Variants in GMNN observed in about 807,000 individuals in gnomAD.
The protein encoded by GMNN is geminin DNA replication inhibitor.
GMNN carries 14 observed loss-of-function variants against 20.9 expected under a neutral mutation model. That is an observed-to-expected ratio of 0.67 (90% CI 0.44 to 1.05). GMNN has a LOEUF of 1.05. GMNN is among the 50% of genes least tolerant of loss of function. The pLI, the probability that GMNN is intolerant of heterozygous loss-of-function variation, is 0.00. For synonymous variants in GMNN, 81 were observed against 85.8 expected (o/e 0.94, Z 0.31); for missense variants, 227 against 243.8 (o/e 0.93, Z 0.46).
intron 4 of GMNN, among the ~76,000 whole-genome samples, chr6:24,783,183 C>T (rs1486446335): frequency 6.6e-6 from 1 of 152,084 alleles, no homozygotes; most frequent in Admixed American, 6.5e-5. Flanking sequence ...CACATGTCAT[C>T]TTGGAAGGAT....
rs149699411 is a variant in GMNN, at chr6:24,778,241, A to G, written c.51+944A>G. Among the ~76,000 whole-genome samples the G allele has an allele frequency of 3.2e-4, 48 of 152,348 alleles. 1 individual carries two copies. Among genetic ancestry groups the G allele is most frequent in the East Asian group, 7.7e-4 (4 of 5,190 alleles). The stretch of plus-strand genomic sequence containing the variant: ...AAGAGCCAGGTGCCCATGGTGGCTC[A>G]TGCCTGTGATCCCAGCTACTTGGGA... On this transcript the variant is annotated intron_variant, in intron 2 of 6. Transcript: ENST00000230056.
In GMNN at chr6:24,781,770, C is replaced by G. The variant is rs377001434; in HGVS notation, c.274+149C>G. On this transcript the variant is annotated intron_variant, in intron 4 of 6. Coordinates refer to ENST00000230056, the MANE Select transcript of GMNN (RefSeq NM_015895.5). ...TTTTTGTATGTGACCATTTGTTTGA[C>G]AAGATCCATGTGTGGATGAAATGTT... 644 of 449,030 alleles carry G rather than the reference C, an allele frequency of 1.4e-3. 14 individuals are homozygous for G. The South Asian group carries it at 0.024, about 17-fold the overall frequency. 27.8% of individuals were successfully genotyped at this position (449,030 alleles called of 1,614,324 possible).
rs752863129 is a variant in GMNN at position 24,781,458 on chromosome 6, A to G, written c.130-19A>G. 2.6e-6 allele frequency: 4 copies of G among 1,540,232 alleles called. No individual in the cohort carries two copies. In the South Asian group the frequency reaches 3.5e-5, roughly 13 times the overall value. On this transcript the variant is annotated intron_variant, in intron 3 of 6. Transcript: ENST00000230056. ...AATTAAATCAAAGTAAATACAGTTG[A>G]TAAGTGTTTTCATTATAGCTGTCCG... is the stretch of plus-strand genomic sequence containing the variant.
At chr6:24,783,005 G>A (rs913122162) in intron 4 of GMNN, among the ~76,000 whole-genome samples, 2 of 152,092 alleles carry the variant, frequency 1.3e-5, no homozygotes, top group Non-Finnish European at 1.5e-5. Context: ...CTGTAGAAAG[G>A]AGCACACCGT....
intron 4 of GMNN, among the ~76,000 whole-genome samples, chr6:24,783,520 A>G (rs887396307): frequency 3.9e-5 from 6 of 152,156 alleles, no homozygotes; most frequent in African/African-American, 9.6e-5. Context: ...TCTACAGATC[A>G]TTAGTTAATT....
intron 4 of GMNN, among the ~76,000 whole-genome samples, chr6:24,783,442 C>T (rs1007935263): frequency 6.6e-6 from 1 of 152,074 alleles, no homozygotes; most frequent in Non-Finnish European, 1.5e-5. Flanking sequence ...CATCAATCAT[C>T]AATGGAATTA....
chr6:24,775,437 C>T (rs1780039314), intron 1 of GMNN, 193 bp downstream of exon 1: 1 of 152,298 alleles, frequency 6.6e-6, no homozygotes, highest in South Asian at 2.1e-4. Context: ...CACTGCCCGC[C>T]CCCTAGCCTG....
At chr6:24,780,803 A>T in intron 3 of GMNN, 63 bp downstream of exon 3, 1 of 800,872 alleles carries the variant, frequency 1.2e-6, no homozygotes, top group East Asian at 2.5e-5. Context: ...AAACATTTCT[A>T]CTATTTTCTT....
At chr6:24,781,394 T>C (rs1397067595) in intron 3 of GMNN, 83 bp from the exon 4 acceptor site, 1 of 887,486 alleles carries the variant, frequency 1.1e-6, no homozygotes, top group Non-Finnish European at 1.8e-6. Flanking sequence ...GCGTACTCTT[T>C]TTTTAATACA....
At chr6:24,784,890 T>A (rs377579114) in intron 6 of GMNN, among the ~76,000 whole-genome samples, 1 of 152,124 alleles carries the variant, frequency 6.6e-6, no homozygotes, top group Non-Finnish European at 1.5e-5. Context: ...AAAGACCATA[T>A]TTTTTGGTAG....
intron 1 of GMNN, among the ~76,000 whole-genome samples, chr6:24,776,122 G>C (rs1780062703): frequency 6.6e-6 from 1 of 151,642 alleles, no homozygotes; most frequent in Admixed American, 6.6e-5. Flanking sequence ...TTTTGAGACG[G>C]AGTCTCGCTC....
chr6:24,781,542 TG>T lies in GMNN; in HGVS notation c.199del (p.Val67LeufsTer23). On this transcript the variant is annotated frameshift_variant, in exon 4 of 7. Transcript: ENST00000230056. LOFTEE classifies it high-confidence loss of function. ...DHLTSTTSSP[G>X]VIVPESSENK... ...ACTTAACATCTACAACTTCCAGCCCTGGGGTTATTGTCCCAGAATCTAGTGA... is the reference window on the plus strand; with the variant it reads ...ACTTAACATCTACAACTTCCAGCCCTGGGTTATTGTCCCAGAATCTAGTGA... The T allele has an allele frequency of 6.3e-7, 1 of 1,580,348 alleles. No individual in the cohort carries two copies.
chr6:24,781,521 A>C lies in GMNN; in HGVS notation c.174A>C (p.Leu58Phe). The C allele has an allele frequency of 6.3e-7, 1 of 1,593,100 alleles. No homozygotes were observed. Among genetic ancestry groups the C allele is most frequent in the Admixed American group, 1.7e-5 (1 of 59,758 alleles). The change falls in exon 4 of 7, where the codon TTA (leucine) becomes TTC (phenylalanine). Residue 58 changes from leucine (L) to phenylalanine (F), a missense_variant. By Grantham distance (22) the Leu-to-Phe change is conservative. Transcript: ENST00000230056. ...AAAGGAAACATCGGAATGACCACTT[A>C]ACATCTACAACTTCCAGCCCTGGGG... is the stretch of plus-strand genomic sequence containing the variant. ...LSKRKHRNDH[L>F]TSTTSSPGVI... is the part of the protein sequence containing the mutation.
rs756472514 is a variant in GMNN at position 24,784,103 on chromosome 6, G to A, written c.291G>A (p.Gln97=). ...DLMIKENPSS[Q]YWKEVAEKRR... Reference sequence around the variant, plus strand: ...TTATTTTAGAAAATCCATCCTCTCAGTATTGGAAGGAAGTGGCAGAAAAAC... The same window carrying A: ...TTATTTTAGAAAATCCATCCTCTCAATATTGGAAGGAAGTGGCAGAAAAAC... Residue 97 remains glutamine (Q), a synonymous_variant, in exon 5 of 7, where the codon CAG becomes CAA. Transcript: ENST00000230056. 8 of 1,460,272 alleles carry A rather than the reference G, an allele frequency of 5.5e-6. No individual in the cohort carries two copies. Among genetic ancestry groups the A allele is most frequent in the Non-Finnish European group, 4.8e-6 (5 of 1,042,576 alleles). The allele number at this position is 1,460,272 out of a possible 1,614,324, so 90.5% of individuals were successfully genotyped here.
rs16889688 is a variant in GMNN at position 24,780,497 on chromosome 6, C to T, written c.52-166C>T. Among the ~76,000 whole-genome samples the T allele has an allele frequency of 0.072, 10,921 of 152,172 alleles. 1,145 individuals are homozygous for T. The highest frequency in any genetic ancestry group is 0.22 in the African/African-American group (9,276 of 41,462). ...ATTAAACCAGTGTCTTGTTCATAGG[C>T]GACCTTACGCAATTATATAGCAGAC... On this transcript the variant is annotated intron_variant, in intron 2 of 6. Transcript: ENST00000230056.
intron 5 of GMNN, 36 bp from the exon 6 acceptor site, chr6:24,784,408 A>G: frequency 1.1e-6 from 1 of 950,770 alleles, no homozygotes; most frequent in Non-Finnish European, 1.7e-6. Flanking sequence ...AGCATAGCAA[A>G]TCTATGGAAT....
At chr6:24,779,859 T>C (rs1371911383) in intron 2 of GMNN, among the ~76,000 whole-genome samples, 5 of 152,352 alleles carry the variant, frequency 3.3e-5, no homozygotes, top group Non-Finnish European at 5.9e-5. Flanking sequence ...TTAGAGTATT[T>C]TAGTATGCCT....
intron 4 of GMNN, among the ~76,000 whole-genome samples, chr6:24,783,141 G>T (rs1435542219): frequency 6.6e-6 from 1 of 152,120 alleles, no homozygotes; most frequent in Non-Finnish European, 1.5e-5. Flanking sequence ...AAATAAGGAA[G>T]TACTCAAAAA....
intron 4 of GMNN, among the ~76,000 whole-genome samples, chr6:24,783,739 G>A (rs182848820): frequency 6.6e-6 from 1 of 152,026 alleles, no homozygotes; most frequent in African/African-American, 2.4e-5. Context: ...CATGGAGACA[G>A]AAATAAAAAA....
Sources: allele counts gnomAD v4.1 joint callset (sites outside exome capture counted in the v4.1 genomes callset), GRCh38; gene constraint gnomAD v4.1.1; transcripts MANE v1.5; gene names NCBI Gene and HGNC (gene_info 2026-07-23, HGNC 2026-07-21).